Variants in HSF2BP observed in about 807,000 individuals in gnomAD.
HSF2BP encodes heat shock factor 2-binding protein.
In HSF2BP, 35 loss-of-function variants were observed where a neutral mutation model predicts 35.0. The observed-to-expected ratio is 1.00, with a 90% CI of 0.76 to 1.32. The LOEUF (loss-of-function observed/expected upper bound fraction) is 1.32, where lower values mean the gene tolerates loss of function less well. Among genes scored for constraint, HSF2BP ranks in the 40% most tolerant of loss-of-function variants. The pLI is 0.00. For synonymous variants in HSF2BP, 114 were observed against 117.4 expected (o/e 0.97, Z 0.18); for missense variants, 326 against 321.7 (o/e 1.01, Z -0.10).
chr21:43,629,712 T>A (rs2082430895), intron 6 of HSF2BP, among the ~76,000 whole-genome samples: 4 of 152,200 alleles, frequency 2.6e-5, no homozygotes, highest in Admixed American at 2.6e-4. Context: ...TTGCTTCTTA[T>A]GGAAGAACAA....
At chr21:43,651,143 A>C (rs941135144) in intron 3 of HSF2BP, among the ~76,000 whole-genome samples, 4 of 152,090 alleles carry the variant, frequency 2.6e-5, no homozygotes, top group African/African-American at 9.7e-5. Flanking sequence ...TCATTTCCCC[A>C]AGGGTTCACA....
At chr21:43,649,851 G>T (rs114643044) in intron 3 of HSF2BP, among the ~76,000 whole-genome samples, 1 of 152,174 alleles carries the variant, frequency 6.6e-6, no homozygotes, top group Non-Finnish European at 1.5e-5. Context: ...CGATCTTAGC[G>T]ATTTAATTGT....
chr21:43,602,381 G>A (rs2082062289), intron 7 of HSF2BP, among the ~76,000 whole-genome samples: 1 of 152,230 alleles, frequency 6.6e-6, no homozygotes, highest in Non-Finnish European at 1.5e-5. Flanking sequence ...CAGCCACACA[G>A]CTACTCCACA....
At chr21:43,613,273 C>G (rs2082231867) in intron 7 of HSF2BP, among the ~76,000 whole-genome samples, 1 of 152,164 alleles carries the variant, frequency 6.6e-6, no homozygotes, top group African/African-American at 2.4e-5. Flanking sequence ...GCTGACCAGC[C>G]AGCTGGGAAA....
At chr21:43,655,836 G>C (rs1388961183) in intron 3 of HSF2BP, among the ~76,000 whole-genome samples, 1 of 152,216 alleles carries the variant, frequency 6.6e-6, no homozygotes, top group African/African-American at 2.4e-5. Flanking sequence ...CCACTGACCA[G>C]ATACGTTTGC....
At chr21:43,506,656 G>A in the HSF2BP span, among the ~76,000 whole-genome samples, 1 of 30,896 alleles carries the variant, frequency 3.2e-5, no homozygotes, top group African/African-American at 1.2e-4. Flanking sequence ...GAACAGCCCC[G>A]TGGGTGCAGA....
rs1421055432 is a variant in HSF2BP at position 43,656,684 on chromosome 21, C to A, written c.90G>T (p.Arg30=). 3 of 1,614,000 alleles carry A rather than the reference C, an allele frequency of 1.9e-6. No individual in the cohort carries two copies. The South Asian group carries it at 3.3e-5, about 18-fold the overall frequency. The stretch of plus-strand genomic sequence containing the variant: ...GTATTTGCATCACTTCAGTTGTCAG[C>A]CGTTCCAGATCCTTCTTTCTGACTT... The part of the protein sequence containing the change: ...FVKVRKKDLE[R]LTTEVMQIRD... Residue 30 remains arginine, a synonymous_variant, in exon 3 of 9, where the codon CGG becomes CGT. Transcript: ENST00000291560.
At chr21:43,625,265 G>C (rs558280022) in intron 6 of HSF2BP, among the ~76,000 whole-genome samples, 2 of 151,952 alleles carry the variant, frequency 1.3e-5, no homozygotes, top group Non-Finnish European at 2.9e-5. Flanking sequence ...GAAAAATGAC[G>C]AAAGACAACA....
At chr21:43,620,452 C>T (rs545048330) in intron 6 of HSF2BP, among the ~76,000 whole-genome samples, 5 of 152,186 alleles carry the variant, frequency 3.3e-5, no homozygotes, top group African/African-American at 9.7e-5. Context: ...AATCCCAACA[C>T]TGTGGAAGGC....
chr21:43,587,345 G>GA (rs1401893352), intron 8 of HSF2BP, among the ~76,000 whole-genome samples: 1 of 152,132 alleles, frequency 6.6e-6, no homozygotes, highest in East Asian at 1.9e-4. Flanking sequence ...TGTGTTGAAA[G>GA]AACCAGTAAT....
chr21:43,604,586 A>G (rs959818235), intron 7 of HSF2BP, among the ~76,000 whole-genome samples: 2 of 135,562 alleles, frequency 1.5e-5, no homozygotes, highest in Admixed American at 7.6e-5. Flanking sequence ...ATATACACAC[A>G]CCACCATACA....
intron 8 of HSF2BP, among the ~76,000 whole-genome samples, chr21:43,585,268 C>T (rs983670578): frequency 1.3e-5 from 2 of 152,152 alleles, no homozygotes; most frequent in African/African-American, 4.8e-5. Context: ...TAGCATCACT[C>T]CACTACAGTC....
intron 4 of HSF2BP, among the ~76,000 whole-genome samples, chr21:43,643,255 T>C (rs2082663229): frequency 6.6e-6 from 1 of 152,184 alleles, no homozygotes; most frequent in South Asian, 2.1e-4. Context: ...CTATAAGATA[T>C]TATGTACATG....
intron 3 of HSF2BP, among the ~76,000 whole-genome samples, chr21:43,653,161 C>CAGAG (rs141856885): frequency 3.3e-5 from 4 of 122,278 alleles, no homozygotes; most frequent in Admixed American, 1.0e-4. Context: ...AAGAGAGACA[C>CAGAG]AGAGAGAGAG....
At chr21:43,598,390 T>G (rs1184107487) in intron 7 of HSF2BP, among the ~76,000 whole-genome samples, 1 of 22,278 alleles carries the variant, frequency 4.5e-5, no homozygotes, top group Non-Finnish European at 8.9e-5. Flanking sequence ...GGTTTTTTTG[T>G]TTTTTTTTTT....
At chr21:43,587,978 G>T (rs2081876868) in intron 8 of HSF2BP, among the ~76,000 whole-genome samples, 1 of 152,206 alleles carries the variant, frequency 6.6e-6, no homozygotes, top group South Asian at 2.1e-4. Flanking sequence ...GAGAAAGTAG[G>T]ATTACTGGCT....
At chr21:43,606,336 G>A (rs1281574150) in intron 7 of HSF2BP, among the ~76,000 whole-genome samples, 1 of 152,246 alleles carries the variant, frequency 6.6e-6, no homozygotes, top group Non-Finnish European at 1.5e-5. Flanking sequence ...GGATGGCTGG[G>A]CTGATCCAAG....
chr21:43,587,972 AAGT>A (rs1283285555), intron 8 of HSF2BP, among the ~76,000 whole-genome samples: 5 of 152,180 alleles, frequency 3.3e-5, no homozygotes, highest in African/African-American at 1.2e-4. Flanking sequence ...TTTTATGAGA[AAGT>A]AGGATTACTG....
chr21:43,642,795 C>CTTTTTTTTTT (rs869086487), intron 4 of HSF2BP, among the ~76,000 whole-genome samples: 1 of 92,128 alleles, frequency 1.1e-5, no homozygotes, highest in Non-Finnish European at 2.1e-5. Context: ...GGCTTCTTTT[C>CTTTTTTTTTT]TTTTTTTTTT....
Sources: gnomAD v4.1 joint callset for allele counts (sites outside exome capture counted in the v4.1 genomes callset) on GRCh38, gnomAD v4.1.1 for gene constraint, MANE v1.5 for transcripts, NCBI Gene and HGNC (gene_info 2026-07-23, HGNC 2026-07-21) for gene names.